RAB3GAP1: variants seen among roughly 807,000 people sequenced by gnomAD.
RAB3GAP1 encodes the protein RAB3 GTPase activating protein catalytic subunit 1.
In RAB3GAP1, 86 loss-of-function variants were observed where a neutral mutation model predicts 130.7. The ratio of observed to expected loss-of-function variants is 0.66; its 90% CI spans 0.55 to 0.79. The LOEUF is 0.79. Ranked by LOEUF, RAB3GAP1 falls within the 30% of genes least tolerant of loss-of-function variation. RAB3GAP1 has a pLI of 0.00. For missense variants in RAB3GAP1, 1,029 were observed against 1,169.4 expected (o/e 0.88, Z 1.75); for synonymous variants, 367 against 401.7 (o/e 0.91, Z 1.03).
At chr2:135,064,061 G>T (rs1180412947) in intron 3 of RAB3GAP1, among the ~76,000 whole-genome samples, 1 of 152,118 alleles carries the variant, frequency 6.6e-6, no homozygotes, top group East Asian at 1.9e-4. Flanking sequence ...TAAGGAGAAG[G>T]TAGATATATT....
At chr2:135,156,954 A>G (rs1295436104) in intron 19 of RAB3GAP1, among the ~76,000 whole-genome samples, 3 of 152,222 alleles carry the variant, frequency 2.0e-5, no homozygotes, top group African/African-American at 7.2e-5. Context: ...TAGCATTCAT[A>G]TACACTAATA....
At chr2:135,120,633 G>A (rs1444149724) in intron 7 of RAB3GAP1, among the ~76,000 whole-genome samples, 186 bp from the exon 8 acceptor site, 1 of 152,042 alleles carries the variant, frequency 6.6e-6, no homozygotes, top group Non-Finnish European at 1.5e-5. Flanking sequence ...TTTTCCTTTG[G>A]AATGGCTAGA....
intron 23 of RAB3GAP1, among the ~76,000 whole-genome samples, chr2:135,166,501 A>G (rs1357927164): frequency 6.6e-6 from 1 of 152,056 alleles, no homozygotes; most frequent in Admixed American, 6.5e-5. Context: ...GGCATGCACC[A>G]CCACGCCCAG....
intron 12 of RAB3GAP1, 31 bp downstream of exon 12, chr2:135,130,118 C>T (rs754619178): frequency 6.7e-7 from 1 of 1,494,392 alleles, no homozygotes; most frequent in Non-Finnish European, 9.3e-7. Flanking sequence ...ACATTACTTT[C>T]AAATGTCTTA....
At chr2:135,149,951 C>T (rs758140881) in intron 17 of RAB3GAP1, among the ~76,000 whole-genome samples, 4 of 152,204 alleles carry the variant, frequency 2.6e-5, no homozygotes, top group Non-Finnish European at 5.9e-5. Context: ...GCCACCGTGC[C>T]TGGCCCTGTT....
chr2:135,135,929 C>A lies in RAB3GAP1; in HGVS notation c.1920C>A (p.Thr640=), dbSNP rs777183636. The A allele has an allele frequency of 1.4e-5, 23 of 1,613,606 alleles. No individual in the cohort carries two copies. The highest frequency in any genetic ancestry group is 1.8e-5 in the Non-Finnish European group (21 of 1,179,628). ...HNGEPLYIPV[T]QEPAPMTEDL... is the part of the protein sequence containing the mutation. ...GAGAACCTCTCTACATTCCAGTAAC[C>A]CAGGTAGGATGCACTAGTTCTTTCC... is the stretch of plus-strand genomic sequence containing the variant. The change falls in exon 17 of 24, where the codon ACC becomes ACA. Residue 640 remains threonine (T), a synonymous_variant. Transcript: ENST00000264158.
chr2:135,105,120 A>G (rs947999887), intron 5 of RAB3GAP1, among the ~76,000 whole-genome samples: 4 of 152,180 alleles, frequency 2.6e-5, no homozygotes, highest in Admixed American at 2.6e-4. Context: ...CAAAGCATGC[A>G]TGTAATGGGA....
intron 2 of RAB3GAP1, among the ~76,000 whole-genome samples, chr2:135,057,471 C>T (rs974114031): frequency 4.6e-5 from 7 of 152,128 alleles, no homozygotes; most frequent in African/African-American, 1.7e-4. Context: ...GCGCGATGTC[C>T]GCTCACTGCA....
intron 2 of RAB3GAP1, among the ~76,000 whole-genome samples, chr2:135,057,049 T>G (rs1186488422): frequency 6.6e-6 from 1 of 152,236 alleles, no homozygotes; most frequent in Non-Finnish European, 1.5e-5. Context: ...ATAATTCTTC[T>G]GAAAATGTCT....
chr2:135,142,891 T>A (rs1166616845), intron 17 of RAB3GAP1, among the ~76,000 whole-genome samples: 3 of 151,976 alleles, frequency 2.0e-5, no homozygotes, highest in African/African-American at 4.8e-5. Flanking sequence ...AGTTTATTTT[T>A]TTTTTTTTTA....
chr2:135,090,712 T>C (rs1690118776), intron 3 of RAB3GAP1, among the ~76,000 whole-genome samples: 2 of 152,202 alleles, frequency 1.3e-5, no homozygotes, highest in African/African-American at 2.4e-5. Context: ...TATTAATATA[T>C]AGTGATGTGT....
At chr2:135,063,505 C>A (rs1689236038) in intron 3 of RAB3GAP1, among the ~76,000 whole-genome samples, 1 of 152,162 alleles carries the variant, frequency 6.6e-6, no homozygotes, top group African/African-American at 2.4e-5. Context: ...GGTAACCACT[C>A]TTCTACTTTC....
intron 8 of RAB3GAP1, among the ~76,000 whole-genome samples, chr2:135,122,371 C>CT (rs1394786143): frequency 2.8e-5 from 4 of 144,386 alleles, no homozygotes; most frequent in East Asian, 1.9e-4. Context: ...TCTTATCTTC[C>CT]TTTTTTTTCC....
At chr2:135,162,962 T>C (rs1335955339) in intron 21 of RAB3GAP1, 24 bp from the exon 22 acceptor site, 1 of 1,594,066 alleles carries the variant, frequency 6.3e-7, no homozygotes, top group South Asian at 1.1e-5. Flanking sequence ...TCGCAATGTA[T>C]GCCTCTTCCT....
At chr2:135,138,757 C>T (rs1691752928) in intron 17 of RAB3GAP1, among the ~76,000 whole-genome samples, 1 of 151,844 alleles carries the variant, frequency 6.6e-6, no homozygotes, top group Non-Finnish European at 1.5e-5. Flanking sequence ...TACAAGTGCT[C>T]ACCACCATGC....
At chr2:135,105,965 C>T (rs1013117265) in intron 5 of RAB3GAP1, among the ~76,000 whole-genome samples, 1 of 151,664 alleles carries the variant, frequency 6.6e-6, no homozygotes, top group Non-Finnish European at 1.5e-5. Context: ...GCAGCCGCCC[C>T]GTCTGAGAAG....
Position 135,090,597 on chromosome 2 carries a change from G to T in RAB3GAP1, c.151-401G>T, listed in dbSNP as rs553298070. ...TGCCAAAGCTTGATAAAAGAAGCAG[G>T]AATCTGTTAAATAAGTGCTACAGGT... is the stretch of plus-strand genomic sequence containing the variant. On this transcript the variant is annotated intron_variant, in intron 3 of 23. Transcript: ENST00000264158. Among the ~76,000 whole-genome samples the T allele has an allele frequency of 2.0e-5, 3 of 152,178 alleles. No individual in the cohort carries two copies. In the South Asian group the frequency reaches 6.2e-4, roughly 32 times the overall value.
intron 3 of RAB3GAP1, among the ~76,000 whole-genome samples, chr2:135,078,738 T>A (rs1689702827): frequency 7.2e-6 from 1 of 138,998 alleles, no homozygotes; most frequent in African/African-American, 2.7e-5. Context: ...AGAGTGTTGC[T>A]GTGTTGCCCA....
chr2:135,108,022 T>TAA (rs958338568), intron 5 of RAB3GAP1, among the ~76,000 whole-genome samples: 1 of 150,246 alleles, frequency 6.7e-6, no homozygotes, highest in African/African-American at 2.4e-5. Context: ...ATAAGTGGTA[T>TAA]GGTTTTATGA....
Sources: allele counts gnomAD v4.1 joint callset (sites outside exome capture counted in the v4.1 genomes callset), GRCh38; gene constraint gnomAD v4.1.1; transcripts MANE v1.5; gene names NCBI Gene and HGNC (gene_info 2026-07-23, HGNC 2026-07-21).